Variants in IL1RAPL2 observed in about 807,000 individuals in gnomAD.
IL1RAPL2 encodes the protein interleukin 1 receptor accessory protein like 2.
In IL1RAPL2, 3 loss-of-function variants were observed where a neutral mutation model predicts 44.1. The observed-to-expected ratio is 0.07, with a 90% confidence interval of 0.03 to 0.18. IL1RAPL2 has a LOEUF of 0.18. Ranked by LOEUF, IL1RAPL2 falls within the 10% of genes least tolerant of loss-of-function variation. The pLI is 1.00. For missense variants in IL1RAPL2, 391 were observed against 496.4 expected, an observed-to-expected ratio of 0.79 and a Z score of 2.02; for synonymous variants, 181 against 178.8, an observed-to-expected ratio of 1.01 and a Z score of -0.10.
At chrX:105,486,598 A>C (rs1362165295) in intron 6 of IL1RAPL2, among the ~76,000 whole-genome samples, 3 of 111,307 alleles carry the variant, frequency 2.7e-5, no homozygotes, top group African/African-American at 9.8e-5. Context: ...AAATATTCCA[A>C]GGGAACTTTG....
At chrX:104,657,542 C>A (rs1286163789) in intron 1 of IL1RAPL2, among the ~76,000 whole-genome samples, 2 of 111,664 alleles carry the variant, frequency 1.8e-5, no homozygotes, top group Non-Finnish European at 3.8e-5. Flanking sequence ...CTAGGCAATA[C>A]CATTCAGAAC....
intron 5 of IL1RAPL2, among the ~76,000 whole-genome samples, chrX:105,316,855 A>G (rs1488299539): frequency 9.0e-6 from 1 of 111,356 alleles, no homozygotes; most frequent in African/African-American, 3.3e-5. Context: ...GCGGGGGAAC[A>G]TTGTTTAAAC....
intron 2 of IL1RAPL2, among the ~76,000 whole-genome samples, chrX:104,856,319 G>A (rs1922363642): frequency 8.9e-6 from 1 of 111,895 alleles, no homozygotes; most frequent in African/African-American, 3.2e-5. Context: ...TTATCTTAAA[G>A]CCCAAAGCCT....
intron 2 of IL1RAPL2, among the ~76,000 whole-genome samples, chrX:104,667,256 A>T (rs1448571820): frequency 8.9e-6 from 1 of 111,897 alleles, no homozygotes; most frequent in Non-Finnish European, 1.9e-5. Flanking sequence ...TCTGCCAAGG[A>T]TTGTCTTAGA....
intron 4 of IL1RAPL2, among the ~76,000 whole-genome samples, chrX:105,249,977 G>C (rs982055006): frequency 4.5e-5 from 5 of 111,210 alleles, no homozygotes; most frequent in African/African-American, 1.6e-4. Context: ...TTTGTGAATG[G>C]CTAAACAAAC....
intron 2 of IL1RAPL2, among the ~76,000 whole-genome samples, chrX:105,149,011 T>G (rs1172675492): frequency 8.9e-6 from 1 of 111,920 alleles, no homozygotes; most frequent in Non-Finnish European, 1.9e-5. Flanking sequence ...TTCTGTTGTT[T>G]ATAAATTACC....
At chrX:105,424,386 A>T (rs1170395565) in intron 5 of IL1RAPL2, among the ~76,000 whole-genome samples, 4 of 110,748 alleles carry the variant, frequency 3.6e-5, no homozygotes, top group African/African-American at 1.3e-4. Flanking sequence ...TAGCCTCTCC[A>T]AAGGAGGCAA....
chrX:105,296,344 G>T, intron 5 of IL1RAPL2, among the ~76,000 whole-genome samples: 1 of 111,713 alleles, frequency 9.0e-6, no homozygotes, highest in Non-Finnish European at 1.9e-5. Flanking sequence ...GACATAATTA[G>T]TTCCTCCTCT....
chrX:105,634,272 T>C (rs769295487), intron 6 of IL1RAPL2, among the ~76,000 whole-genome samples: 13 of 110,855 alleles, frequency 1.2e-4, no homozygotes, highest in Non-Finnish European at 2.3e-4. Flanking sequence ...AGGCCTACAA[T>C]TGCTCTCATT....
At chrX:105,355,062 C>G (rs990557059) in intron 5 of IL1RAPL2, among the ~76,000 whole-genome samples, 11 of 111,801 alleles carry the variant, frequency 9.8e-5, no homozygotes, top group Non-Finnish European at 1.9e-4. Flanking sequence ...AATTCTTCCA[C>G]TGAACTGCTA....
intron 4 of IL1RAPL2, among the ~76,000 whole-genome samples, chrX:105,263,031 A>G (rs1417115841): frequency 9.1e-6 from 1 of 110,174 alleles, no homozygotes; most frequent in Non-Finnish European, 1.9e-5. Flanking sequence ...GTTTACAGGC[A>G]TGCACCACCA....
intron 2 of IL1RAPL2, among the ~76,000 whole-genome samples, chrX:104,811,514 C>T (rs1932979071): frequency 9.0e-6 from 1 of 110,650 alleles, no homozygotes; most frequent in Admixed American, 9.6e-5. Flanking sequence ...GATTTTTCCC[C>T]CTCTTTTTTT....
intron 1 of IL1RAPL2, among the ~76,000 whole-genome samples, chrX:104,582,601 T>TTTCTTTCA (rs1928384019): frequency 4.0e-5 from 2 of 49,601 alleles, no homozygotes; most frequent in African/African-American, 1.6e-4. Flanking sequence ...TTTCTTTTTC[T>TTTCTTTCA]TTCTTTCTTT....
chrX:105,194,486 C>T (rs146167865), intron 2 of IL1RAPL2, among the ~76,000 whole-genome samples: 4 of 111,640 alleles, frequency 3.6e-5, no homozygotes, highest in Non-Finnish European at 7.5e-5. Context: ...CCAGCATATG[C>T]GATTGGCCAC....
At chrX:104,586,257 G>C (rs754976069) in intron 1 of IL1RAPL2, among the ~76,000 whole-genome samples, 7 of 111,537 alleles carry the variant, frequency 6.3e-5, no homozygotes, top group Admixed American at 4.8e-4. Context: ...TTTGAAAAGT[G>C]TCTGTTTGTG....
intron 1 of IL1RAPL2, among the ~76,000 whole-genome samples, chrX:104,590,464 T>C (rs1211984978): frequency 8.9e-6 from 1 of 112,284 alleles, no homozygotes; most frequent in African/African-American, 3.2e-5. Context: ...CCTATTGTTC[T>C]TATCTAGATG....
intron 2 of IL1RAPL2, among the ~76,000 whole-genome samples, chrX:104,986,944 C>T (rs1478210259): frequency 8.9e-6 from 1 of 112,173 alleles, no homozygotes; most frequent in East Asian, 2.8e-4. Flanking sequence ...TTTCCAGTTT[C>T]AACAAAACAT....
chrX:105,394,863 A>G (rs919859430), intron 5 of IL1RAPL2, among the ~76,000 whole-genome samples: 1 of 111,046 alleles, frequency 9.0e-6, no homozygotes, highest in Non-Finnish European at 1.9e-5. Flanking sequence ...TTCTCCATGT[A>G]TCCAAATTTT....
At chrX:105,584,538 T>TA (rs892343162) in intron 6 of IL1RAPL2, among the ~76,000 whole-genome samples, 6 of 110,418 alleles carry the variant, frequency 5.4e-5, no homozygotes, top group African/African-American at 2.0e-4. Context: ...TTCTGTTTTT[T>TA]TTTTTCTTGT....
Sources: allele counts gnomAD v4.1 joint callset (sites outside exome capture counted in the v4.1 genomes callset), GRCh38; gene constraint gnomAD v4.1.1; transcripts MANE v1.5; gene names NCBI Gene and HGNC (gene_info 2026-07-23, HGNC 2026-07-21).